PSME4: variants seen among roughly 807,000 people sequenced by gnomAD.
PSME4 encodes proteasome activator complex subunit 4.
PSME4 carries 89 observed loss-of-function variants against 253.9 expected under a neutral mutation model. That is an observed-to-expected ratio of 0.35 (90% CI 0.30 to 0.42). The LOEUF is 0.42. Ranked by LOEUF, PSME4 falls within the 10% of genes least tolerant of loss-of-function variation. The probability of loss-of-function intolerance (pLI) is 1.00; values close to 1 mark genes in which losing one functional copy is unlikely to be tolerated. For missense variants in PSME4, 2,014 were observed against 2,195.2 expected (o/e 0.92, Z 1.65); for synonymous variants, 851 against 759.2 (o/e 1.12, Z -1.99).
At chr2:53,890,814 A>G (rs895092794) in intron 36 of PSME4, among the ~76,000 whole-genome samples, 8 of 152,100 alleles carry the variant, frequency 5.3e-5, no homozygotes, top group African/African-American at 1.9e-4. Context: ...GATCACTTGA[A>G]ATCAGGAGTT....
chr2:53,907,054 C>A (rs986104291), intron 24 of PSME4, among the ~76,000 whole-genome samples, 186 bp from the exon 25 acceptor site: 1 of 152,050 alleles, frequency 6.6e-6, no homozygotes, highest in East Asian at 1.9e-4. Flanking sequence ...TTATGGCTAA[C>A]AGTAGAAATA....
intron 17 of PSME4, among the ~76,000 whole-genome samples, chr2:53,921,672 T>A (rs1668326063): frequency 7.5e-6 from 1 of 133,650 alleles, no homozygotes; most frequent in Non-Finnish European, 1.6e-5. Context: ...ATCGAGACCA[T>A]CCCGGCTAAA....
At chr2:53,891,585 G>A (rs1260135958) in intron 36 of PSME4, among the ~76,000 whole-genome samples, 1 of 151,796 alleles carries the variant, frequency 6.6e-6, no homozygotes, top group Non-Finnish European at 1.5e-5. Flanking sequence ...TGAAGGCCAG[G>A]CACAGTAGCT....
At chr2:53,947,320 TGA>T (rs1293286067) in intron 3 of PSME4, among the ~76,000 whole-genome samples, 1 of 152,124 alleles carries the variant, frequency 6.6e-6, no homozygotes, top group African/African-American at 2.4e-5. Context: ...TGCCTAAGAC[TGA>T]GAGAGAAAAC....
chr2:53,904,963 G>C (rs1370034154), intron 26 of PSME4, among the ~76,000 whole-genome samples: 1 of 150,040 alleles, frequency 6.7e-6, no homozygotes, highest in South Asian at 2.1e-4. Context: ...ACTCCAGCCT[G>C]GGTGACAGAG....
intron 1 of PSME4, among the ~76,000 whole-genome samples, chr2:53,968,420 CA>C (rs1195042246): frequency 2.0e-5 from 3 of 152,086 alleles, no homozygotes; most frequent in African/African-American, 7.2e-5. Flanking sequence ...TTCTATTCTA[CA>C]AAGTACTAAA....
rs759746693 is a variant in PSME4, at chr2:53,919,244, T to C, written c.2423A>G (p.Asp808Gly). The C allele has an allele frequency of 1.3e-6, 2 of 1,562,284 alleles. No homozygotes were observed. Among genetic ancestry groups the C allele is most frequent in the Non-Finnish European group, 1.7e-6 (2 of 1,160,828 alleles). Reference protein sequence around the residue: ...CGDGKLEMSRDDILQSLTIVH... With the variant: ...CGDGKLEMSRGDILQSLTIVH... ...TATAGTCAGACTCTGTAGAATATCA[T>C]CTCTAGAAAAAAAAAAAAGACATTT... Residue 808 changes from aspartate (D) to glycine (G), a missense_variant and splice_region_variant, in exon 20 of 47, where the codon GAT becomes GGT. By Grantham distance (94) the Asp-to-Gly change is moderately conservative (BLOSUM62 -1). Around this residue, in one of 4 missense-constraint regions of PSME4, gnomAD observed 989 missense variants for 1,021.1 expected, o/e 0.97. Coordinates refer to ENST00000404125, the MANE Select transcript of PSME4 (RefSeq NM_014614.3).
At chr2:53,965,264 G>C (rs977932698) in intron 1 of PSME4, among the ~76,000 whole-genome samples, 2 of 88,482 alleles carry the variant, frequency 2.3e-5, no homozygotes, top group African/African-American at 4.4e-5. Context: ...TTTTTTTTTT[G>C]TAAGACAAGA....
At chr2:53,962,076 C>T (rs1670518854) in intron 1 of PSME4, among the ~76,000 whole-genome samples, 3 of 152,154 alleles carry the variant, frequency 2.0e-5, no homozygotes, top group Admixed American at 2.0e-4. Context: ...CTTGCTTGGA[C>T]CAGTATAAGC....
intron 3 of PSME4, among the ~76,000 whole-genome samples, chr2:53,944,535 T>C (rs1026301611): frequency 6.6e-6 from 1 of 152,208 alleles, no homozygotes; most frequent in Admixed American, 6.5e-5. Flanking sequence ...AAATACTACA[T>C]TAAAAAATAA....
intron 29 of PSME4, among the ~76,000 whole-genome samples, 191 bp downstream of exon 29, chr2:53,899,690 T>C (rs1299851059): frequency 6.6e-5 from 10 of 151,820 alleles, no homozygotes; most frequent in African/African-American, 1.9e-4. Context: ...TGGTGGTGCA[T>C]GCCTGTAATC....
At chr2:53,880,060 A>G (rs868846797) in intron 41 of PSME4, among the ~76,000 whole-genome samples, 32 of 152,338 alleles carry the variant, frequency 2.1e-4, no homozygotes, top group African/African-American at 7.2e-4. Flanking sequence ...CACATCTCCA[A>G]AATGGCAGGA....
chr2:53,952,228 G>A (rs746896417), intron 1 of PSME4, among the ~76,000 whole-genome samples: 27 of 152,062 alleles, frequency 1.8e-4, no homozygotes, highest in Non-Finnish European at 3.4e-4. Flanking sequence ...GTGAGATTAG[G>A]AGTTCGAGAC....
chr2:53,890,807 C>T (rs140634065), intron 36 of PSME4, among the ~76,000 whole-genome samples: 1,626 of 152,194 alleles, frequency 0.011, 35 homozygotes, highest in African/African-American at 0.037. Flanking sequence ...GCAGGAGGAT[C>T]ACTTGAAATC....
intron 1 of PSME4, among the ~76,000 whole-genome samples, chr2:53,950,787 G>A (rs374220207): frequency 5.4e-5 from 8 of 148,062 alleles, no homozygotes; most frequent in Admixed American, 4.1e-4. Flanking sequence ...GTTGCGGTGA[G>A]CCAAGAGTGT....
chr2:53,927,585 C>A, intron 11 of PSME4, 102 bp from the exon 12 acceptor site: 1 of 839,484 alleles, frequency 1.2e-6, no homozygotes, highest in South Asian at 1.5e-5. Flanking sequence ...TTATCTTGAT[C>A]AAAATCCCAC....
intron 3 of PSME4, among the ~76,000 whole-genome samples, chr2:53,943,321 T>C (rs190525900): frequency 1.3e-5 from 2 of 152,246 alleles, no homozygotes; most frequent in African/African-American, 4.8e-5. Flanking sequence ...GGTAACTGTT[T>C]ATACAGTATT....
In PSME4 at chr2:53,937,373, A is replaced by C. The variant is rs766590523; in HGVS notation, c.695+18T>G. On this transcript the variant is annotated intron_variant, in intron 5 of 46. Coordinates refer to ENST00000404125, the MANE Select transcript of PSME4 (RefSeq NM_014614.3). Reference sequence around the variant, plus strand: ...CCTACCGTATTTTTAGAATTTGTCAAGATATGAACATACTTACTTAAAACC... The same window carrying C: ...CCTACCGTATTTTTAGAATTTGTCACGATATGAACATACTTACTTAAAACC... 2.0e-6 allele frequency: 3 copies of C among 1,525,382 alleles called. No homozygotes were observed. The highest frequency in any genetic ancestry group is 1.4e-5 in the African/African-American group (1 of 71,118). 94.5% of individuals were successfully genotyped at this position (1,525,382 alleles called of 1,614,324 possible).
At chr2:53,948,003 G>C (rs141059529) in intron 3 of PSME4, among the ~76,000 whole-genome samples, 77 of 152,252 alleles carry the variant, frequency 5.1e-4, no homozygotes, top group Non-Finnish European at 7.9e-4. Flanking sequence ...GCGTCAGAGT[G>C]AGACACCATC....
Sources: allele counts gnomAD v4.1 joint callset (sites outside exome capture counted in the v4.1 genomes callset), GRCh38; gene constraint gnomAD v4.1.1; regional missense constraint gnomAD v4.1.1; transcripts MANE v1.5; gene names NCBI Gene and HGNC (gene_info 2026-07-23, HGNC 2026-07-21).